The following SLC35F4 variants were observed in gnomAD, a reference collection of about 807,000 sequenced individuals.
SLC35F4 encodes solute carrier family 35 member F4.
Under a neutral mutation model 44.2 loss-of-function variants are expected in SLC35F4, and 24 were observed. The observed-to-expected ratio is 0.54, with a 90% CI of 0.39 to 0.76. The LOEUF (loss-of-function observed/expected upper bound fraction) is 0.76. Among genes scored for constraint, SLC35F4 ranks in the 30% least tolerant of loss-of-function variants. The pLI, the probability that SLC35F4 is intolerant of heterozygous loss-of-function variation, is 0.00. For synonymous variants in SLC35F4, 238 were observed against 223.6 expected (o/e 1.06, Z -0.57); for missense variants, 562 against 586.1 (o/e 0.96, Z 0.42).
At chr14:57,678,200 G>T (rs1319258518) in intron 1 of SLC35F4, among the ~76,000 whole-genome samples, 1 of 152,100 alleles carries the variant, frequency 6.6e-6, no homozygotes, top group Non-Finnish European at 1.5e-5. Context: ...CAAGCCAGAA[G>T]AGAGTGGAGG....
chr14:57,632,080 A>G (rs2072802263), intron 1 of SLC35F4, among the ~76,000 whole-genome samples: 1 of 151,954 alleles, frequency 6.6e-6, no homozygotes, highest in Non-Finnish European at 1.5e-5. Context: ...TCTAACTTTC[A>G]TTTCTTTACT....
chr14:57,703,831 A>C (rs1046303197), intron 1 of SLC35F4, among the ~76,000 whole-genome samples: 6 of 152,222 alleles, frequency 3.9e-5, no homozygotes, highest in African/African-American at 1.2e-4. Flanking sequence ...CTCTATTATT[A>C]TACTTTATCA....
intron 1 of SLC35F4, among the ~76,000 whole-genome samples, chr14:57,827,297 A>G (rs10131721): frequency 0.22 from 32,823 of 152,024 alleles, 5,432 homozygotes; most frequent in African/African-American, 0.47. Context: ...TTATAAGTGG[A>G]AGCTGAATGA....
intron 1 of SLC35F4, among the ~76,000 whole-genome samples, chr14:57,899,045 C>T (rs895981046): frequency 4.6e-5 from 7 of 152,066 alleles, no homozygotes; most frequent in Admixed American, 2.6e-4. Context: ...CTGTGGTGCC[C>T]GTGGGGACAC....
rs80088567 is a variant in SLC35F4 at position 57,567,640 on chromosome 14, A to T, written c.1127-1076T>A. Among the ~76,000 whole-genome samples, 494 of 152,330 alleles carry T rather than the reference A, an allele frequency of 3.2e-3. 2 individuals carry two copies. The highest frequency in any genetic ancestry group is 0.011 in the African/African-American group (453 of 41,576). On this transcript the variant is annotated intron_variant, in intron 6 of 7. Coordinates refer to ENST00000556826, the MANE Select transcript of SLC35F4 (RefSeq NM_001306087.2). ...CTTCCTAAACTAATAACTGCTCCTC[A>T]TTCCTGACAAAGCTGCAACATAAAT... is the stretch of plus-strand genomic sequence containing the variant.
chr14:57,762,941 G>A lies in SLC35F4; in HGVS notation c.103+102782C>T, dbSNP rs764438813. Reference sequence around the variant, plus strand: ...GTAGCAATGCAAAAGAATTGGTTCAGTAATACAAGTAATGTTTATCTAAAA... The same window carrying A: ...GTAGCAATGCAAAAGAATTGGTTCAATAATACAAGTAATGTTTATCTAAAA... On this transcript the variant is annotated intron_variant, in intron 1 of 7. Coordinates refer to ENST00000556826, the MANE Select transcript of SLC35F4 (RefSeq NM_001306087.2). Among the ~76,000 whole-genome samples the A allele has an allele frequency of 1.8e-4, 28 of 152,126 alleles. 1 individual carries two copies. Among genetic ancestry groups the A allele is most frequent in the Non-Finnish European group, 3.5e-4 (24 of 68,008 alleles).
intron 1 of SLC35F4, among the ~76,000 whole-genome samples, chr14:57,849,186 T>C (rs948767261): frequency 6.6e-6 from 1 of 152,118 alleles, no homozygotes; most frequent in African/African-American, 2.4e-5. Context: ...ACTAACAATT[T>C]TGTTGTTGTT....
intron 1 of SLC35F4, among the ~76,000 whole-genome samples, chr14:57,852,717 T>C (rs28460313): frequency 0.076 from 11,603 of 152,238 alleles, 624 homozygotes; most frequent in African/African-American, 0.15. Flanking sequence ...GGTGCCTCAA[T>C]AGCCTCCAAC....
chr14:57,981,010 G>T (rs775409750), intron 1 of SLC35F4, among the ~76,000 whole-genome samples: 1 of 152,130 alleles, frequency 6.6e-6, no homozygotes, highest in Non-Finnish European at 1.5e-5. Flanking sequence ...CACCTGGAAG[G>T]CTGTATGCAT....
intron 1 of SLC35F4, among the ~76,000 whole-genome samples, chr14:57,896,616 A>G (rs1260374814): frequency 6.6e-6 from 1 of 152,170 alleles, no homozygotes; most frequent in Non-Finnish European, 1.5e-5. Context: ...TATGTAAAAA[A>G]AAGTTTTGAA....
At chr14:57,566,644 T>C in intron 6 of SLC35F4, 80 bp from the exon 7 acceptor site, 1 of 1,368,964 alleles carries the variant, frequency 7.3e-7, no homozygotes, top group Non-Finnish European at 1.0e-6. Flanking sequence ...AATGAATCAA[T>C]GTCTTTGCTA....
chr14:57,652,706 T>A (rs1163199362), intron 1 of SLC35F4, among the ~76,000 whole-genome samples: 1 of 151,848 alleles, frequency 6.6e-6, no homozygotes, highest in African/African-American at 2.4e-5. Context: ...CACAAAGATC[T>A]AACAGGATAG....
intron 1 of SLC35F4, among the ~76,000 whole-genome samples, chr14:57,953,941 C>T (rs1890189169): frequency 6.6e-6 from 1 of 152,214 alleles, no homozygotes; most frequent in Admixed American, 6.5e-5. Flanking sequence ...TAGACATCTA[C>T]AGAACTCTCC....
chr14:57,751,743 G>A (rs903472604), intron 1 of SLC35F4, among the ~76,000 whole-genome samples: 1 of 152,138 alleles, frequency 6.6e-6, no homozygotes, highest in Non-Finnish European at 1.5e-5. Context: ...CAAAAATTAT[G>A]GTGGCTATGT....
At chr14:57,685,348 A>T (rs2075036515) in intron 1 of SLC35F4, among the ~76,000 whole-genome samples, 1 of 152,072 alleles carries the variant, frequency 6.6e-6, no homozygotes, top group Non-Finnish European at 1.5e-5. Context: ...CAGATGGTAG[A>T]CTCCAAATTT....
At chr14:57,897,768 G>A (rs1955645) in intron 1 of SLC35F4, among the ~76,000 whole-genome samples, 18,377 of 152,184 alleles carry the variant, frequency 0.12, 1,358 homozygotes, top group East Asian at 0.4. Context: ...CCAGAGAGCA[G>A]TTACCCAGAG....
intron 1 of SLC35F4, among the ~76,000 whole-genome samples, chr14:57,805,350 G>A (rs1320465410): frequency 2.6e-5 from 4 of 152,166 alleles, no homozygotes; most frequent in African/African-American, 7.2e-5. Flanking sequence ...ATTTACAACA[G>A]CAAAGACATG....
chr14:57,700,874 TC>T (rs1255898943), intron 1 of SLC35F4, among the ~76,000 whole-genome samples: 1 of 152,078 alleles, frequency 6.6e-6, no homozygotes, highest in African/African-American at 2.4e-5. Context: ...TCATCGCACT[TC>T]AGCCTGGGTG....
intron 1 of SLC35F4, among the ~76,000 whole-genome samples, chr14:57,981,308 G>A (rs1029879496): frequency 6.6e-6 from 1 of 152,054 alleles, no homozygotes; most frequent in South Asian, 2.1e-4. Context: ...GCTCTGATTC[G>A]ACAAGAAAAT....
Sources: allele counts gnomAD v4.1 joint callset (sites outside exome capture counted in the v4.1 genomes callset), GRCh38; gene constraint gnomAD v4.1.1; transcripts MANE v1.5; gene names NCBI Gene and HGNC (gene_info 2026-07-23, HGNC 2026-07-21).